Variants in AKAP13 observed in about 807,000 individuals in gnomAD.
AKAP13 encodes the protein A-kinase anchor protein 13.
AKAP13 carries 80 observed loss-of-function variants against 264.5 expected under a neutral mutation model. The observed-to-expected ratio is 0.30, with a 90% CI of 0.25 to 0.36. The LOEUF (loss-of-function observed/expected upper bound fraction) is 0.36. Among genes scored for constraint, AKAP13 ranks in the 10% least tolerant of loss-of-function variants. The pLI, the probability that AKAP13 is intolerant of heterozygous loss-of-function variation, is 1.00. For missense variants in AKAP13, 3,712 were observed against 3,435.2 expected (o/e 1.08, Z -2.01); for synonymous variants, 1,380 against 1,250.2 (o/e 1.10, Z -2.19).
intron 1 of AKAP13, among the ~76,000 whole-genome samples, chr15:85,425,863 T>C (rs1484972093): frequency 6.6e-6 from 1 of 152,062 alleles, no homozygotes; most frequent in Non-Finnish European, 1.5e-5. Context: ...GTTTTTGGTT[T>C]TTAAAAATAG....
Position 85,645,145 on chromosome 15 carries a change from G to A in AKAP13, c.4238-673G>A, listed in dbSNP as rs79484044. ...AAAATAAACAACACAAAACAGAAAA[G>A]CAAAGTTAATAAGAGAGAATACCTT... is the stretch of plus-strand genomic sequence containing the variant. On this transcript the variant is annotated intron_variant, in intron 9 of 36. Coordinates refer to ENST00000394518, the MANE Select transcript of AKAP13 (RefSeq NM_007200.5). 4.3e-4 allele frequency among the ~76,000 whole-genome samples: 66 copies of A among 152,240 alleles called. No homozygotes were observed. In the East Asian group the frequency reaches 0.012, roughly 28 times the overall value.
chr15:85,458,096 C>T (rs959179860), intron 1 of AKAP13, among the ~76,000 whole-genome samples: 3 of 150,180 alleles, frequency 2.0e-5, no homozygotes, highest in South Asian at 2.1e-4. Context: ...GCCGAGATTG[C>T]GCCACTGCAC....
chr15:85,451,375 A>G (rs968558634), intron 1 of AKAP13, among the ~76,000 whole-genome samples: 5 of 152,136 alleles, frequency 3.3e-5, no homozygotes, highest in African/African-American at 1.2e-4. Context: ...TTTACATTCA[A>G]GATTAGTAAT....
chr15:85,744,499 CAGA>C, intron 36 of AKAP13, 126 bp from the exon 37 acceptor site: 1 of 966,052 alleles, frequency 1.0e-6, no homozygotes, highest in East Asian at 2.4e-5. Context: ...CCCCGGTGCG[CAGA>C]AGAGTTAATT....
intron 1 of AKAP13, among the ~76,000 whole-genome samples, chr15:85,470,557 A>T (rs901186418): frequency 2.6e-5 from 4 of 152,246 alleles, no homozygotes; most frequent in African/African-American, 9.6e-5. Context: ...CGTGGTTTGT[A>T]CAAGGTTCTT....
intron 3 of AKAP13, among the ~76,000 whole-genome samples, chr15:85,527,197 T>C (rs562386213): frequency 2.0e-5 from 3 of 152,256 alleles, no homozygotes; most frequent in African/African-American, 7.2e-5. Flanking sequence ...TCTCCTGACC[T>C]CGTGATCCGC....
chr15:85,508,264 C>A (rs1261045767), intron 2 of AKAP13, among the ~76,000 whole-genome samples: 1 of 151,864 alleles, frequency 6.6e-6, no homozygotes, highest in Non-Finnish European at 1.5e-5. Flanking sequence ...CTACCTCAGC[C>A]TCCTGAGTAG....
At chr15:85,492,771 A>G (rs2075766610) in intron 2 of AKAP13, among the ~76,000 whole-genome samples, 1 of 152,036 alleles carries the variant, frequency 6.6e-6, no homozygotes, top group African/African-American at 2.4e-5. Flanking sequence ...TCTTAATTTT[A>G]TTTTGTAGCA....
chr15:85,445,912 C>G (rs904514281), intron 1 of AKAP13, among the ~76,000 whole-genome samples: 2 of 152,116 alleles, frequency 1.3e-5, no homozygotes, highest in African/African-American at 4.8e-5. Flanking sequence ...GTGTACTGAT[C>G]AAATCAGGGT....
At chr15:85,594,985 A>G (rs79898008) in intron 8 of AKAP13, among the ~76,000 whole-genome samples, 19 of 152,304 alleles carry the variant, frequency 1.2e-4, no homozygotes, top group East Asian at 3.9e-4. Flanking sequence ...AGGCTGCTCA[A>G]TTTTGTGATA....
chr15:85,665,061 G>A (rs148065650), intron 13 of AKAP13, among the ~76,000 whole-genome samples: 1 of 152,162 alleles, frequency 6.6e-6, no homozygotes, highest in Non-Finnish European at 1.5e-5. Context: ...AAATTAGCTG[G>A]ACATGGTGGT....
At chr15:85,504,403 G>C (rs114208571) in intron 2 of AKAP13, among the ~76,000 whole-genome samples, 8 of 148,944 alleles carry the variant, frequency 5.4e-5, no homozygotes, top group Admixed American at 1.3e-4. Flanking sequence ...GCAGTGGCTC[G>C]TGCTGGTAAT....
intron 8 of AKAP13, among the ~76,000 whole-genome samples, chr15:85,629,702 A>G (rs537375652): frequency 6.0e-5 from 9 of 150,724 alleles, no homozygotes; most frequent in African/African-American, 1.7e-4. Context: ...AAAAAGGTCA[A>G]ATCTATGGGA....
At chr15:85,442,469 T>A (rs1458473643) in intron 1 of AKAP13, among the ~76,000 whole-genome samples, 1 of 124,610 alleles carries the variant, frequency 8.0e-6, no homozygotes, top group Non-Finnish European at 1.6e-5. Context: ...ATATACATAA[T>A]ATATATTATA....
intron 1 of AKAP13, among the ~76,000 whole-genome samples, chr15:85,410,353 T>A (rs2071901231): frequency 1.3e-5 from 2 of 151,602 alleles, no homozygotes; most frequent in Non-Finnish European, 2.9e-5. Flanking sequence ...TTCACCTGGG[T>A]CATGAGAATG....
At chr15:85,601,265 C>G (rs995004421) in intron 8 of AKAP13, among the ~76,000 whole-genome samples, 1 of 152,158 alleles carries the variant, frequency 6.6e-6, no homozygotes, top group Admixed American at 6.5e-5. Context: ...TTAGGAAGTA[C>G]CTTTCAGTTA....
At chr15:85,623,788 C>T (rs2081293928) in intron 8 of AKAP13, among the ~76,000 whole-genome samples, 1 of 152,214 alleles carries the variant, frequency 6.6e-6, no homozygotes, top group Non-Finnish European at 1.5e-5. Flanking sequence ...TATGACATTC[C>T]CCCAGTTCTC....
intron 3 of AKAP13, 44 bp downstream of exon 3, chr15:85,521,619 A>G: frequency 6.3e-7 from 1 of 1,594,444 alleles, no homozygotes; most frequent in Non-Finnish European, 8.6e-7. Flanking sequence ...CCTAGTTCTT[A>G]AACCCTTTTA....
chr15:85,446,304 C>T (rs9972389), intron 1 of AKAP13, among the ~76,000 whole-genome samples: 146,734 of 152,250 alleles, frequency 0.96, 70,768 homozygotes, highest in South Asian at 0.97. Context: ...ACTTGGGCAG[C>T]AGGGGTGGAT....
Sources: allele counts gnomAD v4.1 joint callset (sites outside exome capture counted in the v4.1 genomes callset), GRCh38; gene constraint gnomAD v4.1.1; transcripts MANE v1.5; gene names NCBI Gene and HGNC (gene_info 2026-07-23, HGNC 2026-07-21).